Variants in ITPR2 observed in about 807,000 individuals in gnomAD.
ITPR2 encodes the protein inositol 1,4,5-trisphosphate receptor type 2.
ITPR2 carries 207 observed loss-of-function variants against 317.1 expected under a neutral mutation model. That is an observed-to-expected ratio of 0.65 (90% CI 0.58 to 0.73). ITPR2 has a LOEUF of 0.73. ITPR2 is among the 30% of genes least tolerant of loss of function. The probability of loss-of-function intolerance (pLI) is 0.00; values close to 1 mark genes in which losing one functional copy is unlikely to be tolerated. For synonymous variants in ITPR2, 1,156 were observed against 1,149.1 expected, an observed-to-expected ratio of 1.01 and a Z score of -0.12; for missense variants, 2,613 against 3,284.0, an observed-to-expected ratio of 0.80 and a Z score of 4.99.
intron 46 of ITPR2, among the ~76,000 whole-genome samples, chr12:26,442,424 C>T (rs1941507731): frequency 6.6e-6 from 1 of 152,106 alleles, no homozygotes; most frequent in Non-Finnish European, 1.5e-5. Flanking sequence ...AATCTCTCCT[C>T]ACTACTGGAA....
intron 54 of ITPR2, among the ~76,000 whole-genome samples, chr12:26,393,751 G>T (rs2136639691): frequency 6.6e-6 from 1 of 152,254 alleles, no homozygotes. Flanking sequence ...ATCTCTTTGT[G>T]CATCCTGCAA....
chr12:26,367,138 C>T (rs1338482996), intron 55 of ITPR2, among the ~76,000 whole-genome samples: 1 of 152,144 alleles, frequency 6.6e-6, no homozygotes. Context: ...ATACTTTTAT[C>T]TCTGAAGGGC....
intron 55 of ITPR2, among the ~76,000 whole-genome samples, chr12:26,376,604 G>A (rs1591974044): frequency 1.3e-5 from 2 of 152,178 alleles, no homozygotes; most frequent in African/African-American, 4.8e-5. Context: ...TATAGAGCAT[G>A]CTTTCTAAAA....
At chr12:26,754,418 C>A (rs550038654) in intron 2 of ITPR2, among the ~76,000 whole-genome samples, 2 of 152,172 alleles carry the variant, frequency 1.3e-5, no homozygotes, top group Non-Finnish European at 2.9e-5. Context: ...CTAGGCTCCA[C>A]GCATGGTACA....
At chr12:26,340,015 G>A (rs926941564) in intron 56 of ITPR2, 152 bp downstream of exon 56, 2 of 601,614 alleles carry the variant, frequency 3.3e-6, no homozygotes, top group Non-Finnish European at 5.3e-6. Flanking sequence ...CGTTTGCTGG[G>A]ATGTGGTTCT....
chr12:26,567,148 C>A (rs944671661), intron 34 of ITPR2, among the ~76,000 whole-genome samples: 1 of 152,156 alleles, frequency 6.6e-6, no homozygotes, highest in African/African-American at 2.4e-5. Context: ...GTGAAATTGA[C>A]CATCAAATAA....
intron 43 of ITPR2, among the ~76,000 whole-genome samples, chr12:26,479,980 G>A (rs1287975534): frequency 6.6e-6 from 1 of 152,166 alleles, no homozygotes; most frequent in Admixed American, 6.5e-5. Flanking sequence ...GTAAACATAT[G>A]TACTTTCCAT....
At chr12:26,436,822 C>A (rs1416747593) in intron 47 of ITPR2, among the ~76,000 whole-genome samples, 1 of 152,180 alleles carries the variant, frequency 6.6e-6, no homozygotes, top group Admixed American at 6.5e-5. Context: ...CTATGACAGT[C>A]ACAGTTACCT....
chr12:26,590,207 C>T (rs1055730881), intron 32 of ITPR2, among the ~76,000 whole-genome samples: 1 of 152,024 alleles, frequency 6.6e-6, no homozygotes, highest in Non-Finnish European at 1.5e-5. Context: ...CTGTAGAAGC[C>T]ACAGGCAAAA....
rs1158450171 is a variant in ITPR2 at position 26,495,173 on chromosome 12, A to G, written c.5161T>C (p.Ser1721Pro). Reference protein sequence around the residue: ...GVNGHLSGAYSKTAQVGGSFS... With the variant: ...GVNGHLSGAYPKTAQVGGSFS... ...TTACCTCCCACCTGTGCAGTTTTGGAGTAGGCTCCTGATAGGTGTCCATTC... is the reference window on the plus strand; with the variant it reads ...TTACCTCCCACCTGTGCAGTTTTGGGGTAGGCTCCTGATAGGTGTCCATTC... The change falls in exon 38 of 57, where the codon TCC becomes CCC. Residue 1721 changes from serine to proline, a missense_variant. Physicochemically the swap from Ser to Pro is moderately conservative, Grantham distance 74. Transcript: ENST00000381340. 3 of 1,598,890 alleles carry G rather than the reference A, an allele frequency of 1.9e-6. No homozygotes were observed. The highest frequency in any genetic ancestry group is 1.7e-6 in the Non-Finnish European group (2 of 1,166,010).
intron 2 of ITPR2, among the ~76,000 whole-genome samples, chr12:26,745,944 C>T (rs574005194): frequency 6.6e-6 from 1 of 152,324 alleles, no homozygotes; most frequent in African/African-American, 2.4e-5. Context: ...AAGAAACCCA[C>T]TTCTCAGACT....
At chr12:26,722,250 C>A in intron 5 of ITPR2, 147 bp downstream of exon 5, 1 of 535,136 alleles carries the variant, frequency 1.9e-6, no homozygotes, top group Non-Finnish European at 3.1e-6. Flanking sequence ...TATAAATAAA[C>A]ATGTTTAACC....
chr12:26,679,300 C>A (rs955034493), intron 13 of ITPR2, among the ~76,000 whole-genome samples: 2 of 152,136 alleles, frequency 1.3e-5, no homozygotes, highest in South Asian at 4.1e-4. Context: ...CATTTGTTTG[C>A]ATATTTAGGA....
chr12:26,551,876 G>T (rs1944532927), intron 36 of ITPR2, among the ~76,000 whole-genome samples: 1 of 152,222 alleles, frequency 6.6e-6, no homozygotes. Context: ...GGTTTGGAAA[G>T]AAGGGACTGG....
intron 23 of ITPR2, among the ~76,000 whole-genome samples, chr12:26,627,649 A>C (rs1475211295): frequency 6.6e-6 from 1 of 152,218 alleles, no homozygotes; most frequent in African/African-American, 2.4e-5. Flanking sequence ...GGAAACCATC[A>C]TTCTCAGCAA....
chr12:26,722,364 C>A, intron 5 of ITPR2, 33 bp downstream of exon 5: 1 of 1,520,440 alleles, frequency 6.6e-7, no homozygotes, highest in Non-Finnish European at 8.9e-7. Flanking sequence ...CTTTATGAAC[C>A]CACTATTTCC....
At chr12:26,675,174 T>C (rs931610488) in intron 13 of ITPR2, among the ~76,000 whole-genome samples, 1 of 152,118 alleles carries the variant, frequency 6.6e-6, no homozygotes, top group African/African-American at 2.4e-5. Flanking sequence ...AAATACCATT[T>C]GACCCAGCCA....
At chr12:26,740,166 A>G (rs376769874) in intron 2 of ITPR2, among the ~76,000 whole-genome samples, 3 of 152,180 alleles carry the variant, frequency 2.0e-5, no homozygotes, top group African/African-American at 7.2e-5. Context: ...TTAATCCACA[A>G]TTTAATTTCA....
At chr12:26,753,623 A>G (rs1258512208) in intron 2 of ITPR2, among the ~76,000 whole-genome samples, 2 of 152,164 alleles carry the variant, frequency 1.3e-5, no homozygotes, top group Non-Finnish European at 2.9e-5. Flanking sequence ...ATGAATGGTA[A>G]AAATCACTGT....
Sources: gnomAD v4.1 joint callset for allele counts (sites outside exome capture counted in the v4.1 genomes callset) on GRCh38, gnomAD v4.1.1 for gene constraint, MANE v1.5 for transcripts, NCBI Gene and HGNC (gene_info 2026-07-23, HGNC 2026-07-21) for gene names.